STOX2: variants seen among roughly 807,000 people sequenced by gnomAD.
STOX2 encodes the protein storkhead box 2.
Under a neutral mutation model 60.9 loss-of-function variants are expected in STOX2, and 28 were observed. That is an observed-to-expected ratio of 0.46 (90% CI 0.34 to 0.63). STOX2 has a LOEUF of 0.63. STOX2 is among the 30% of genes least tolerant of loss of function. The probability of loss-of-function intolerance (pLI) is 0.01; values close to 1 mark genes in which losing one functional copy is unlikely to be tolerated. For synonymous variants in STOX2, 472 were observed against 463.9 expected (o/e 1.02, Z -0.22); for missense variants, 1,024 against 1,187.7 (o/e 0.86, Z 2.03).
intron 1 of STOX2, among the ~76,000 whole-genome samples, chr4:183,990,100 G>T (rs1733033976): frequency 1.3e-5 from 2 of 152,188 alleles, no homozygotes; most frequent in East Asian, 3.8e-4. Context: ...ATAGCAGTTT[G>T]CATCTTCAGA....
At chr4:183,916,066 C>A (rs764485761) in intron 1 of STOX2, among the ~76,000 whole-genome samples, 1 of 152,210 alleles carries the variant, frequency 6.6e-6, no homozygotes, top group African/African-American at 2.4e-5. Flanking sequence ...TGGGTTCCAC[C>A]CAGTGGATAT....
chr4:183,850,879 A>AAAGGATGAGG (rs1740103779), intron 1 of STOX2, among the ~76,000 whole-genome samples: 3 of 93,364 alleles, frequency 3.2e-5, no homozygotes, highest in South Asian at 3.7e-4. Context: ...AAAGGATGAG[A>AAAGGATGAGG]GAAAGGATGA....
chr4:183,829,216 A>C (rs371766453), intron 1 of STOX2, among the ~76,000 whole-genome samples: 3 of 152,230 alleles, frequency 2.0e-5, no homozygotes, highest in African/African-American at 7.2e-5. Flanking sequence ...ATTATATTTG[A>C]GGCATTTAGT....
chr4:183,946,129 A>T (rs573736696), intron 1 of STOX2, among the ~76,000 whole-genome samples: 2 of 152,346 alleles, frequency 1.3e-5, no homozygotes, highest in East Asian at 3.9e-4. Flanking sequence ...GGCTGAATTC[A>T]GGGTCACACT....
At chr4:183,996,138 C>T (rs1462976730) in intron 1 of STOX2, among the ~76,000 whole-genome samples, 1 of 152,192 alleles carries the variant, frequency 6.6e-6, no homozygotes, top group South Asian at 2.1e-4. Context: ...TTCCTCTGTC[C>T]AAGGCACTGA....
intron 1 of STOX2, among the ~76,000 whole-genome samples, chr4:183,899,506 T>G (rs12502877): frequency 0.055 from 8,332 of 152,250 alleles, 617 homozygotes; most frequent in African/African-American, 0.16. Flanking sequence ...GACTTAATGC[T>G]GGTATGGAGA....
At chr4:183,962,936 G>T (rs144182956) in intron 1 of STOX2, among the ~76,000 whole-genome samples, 167 of 152,316 alleles carry the variant, frequency 1.1e-3, no homozygotes, top group Non-Finnish European at 2.0e-3. Flanking sequence ...TTAAGCAGTA[G>T]AAGCAAAAGT....
intron 1 of STOX2, among the ~76,000 whole-genome samples, chr4:183,922,273 A>C (rs1269447605): frequency 6.6e-6 from 1 of 152,028 alleles, no homozygotes; most frequent in East Asian, 1.9e-4. Flanking sequence ...ATTCATGCTT[A>C]GTCATGCATT....
At chr4:183,951,817 C>G (rs897899189) in intron 1 of STOX2, among the ~76,000 whole-genome samples, 12 of 152,048 alleles carry the variant, frequency 7.9e-5, no homozygotes, top group African/African-American at 2.7e-4. Context: ...GTGGTGCATG[C>G]CTGTAGTTCC....
In STOX2 at chr4:184,011,743, A is replaced by G. The variant is rs951974272; in HGVS notation, c.2585+320A>G. Reference sequence around the variant, plus strand: ...TATTGCCACCCATGCTAAGAGAAGGATGTTTTTTAAGTCCTTCAAAAATAG... The same window carrying G: ...TATTGCCACCCATGCTAAGAGAAGGGTGTTTTTTAAGTCCTTCAAAAATAG... On this transcript the variant is annotated intron_variant, in intron 3 of 3. Transcript: ENST00000308497. This position sits in a 1 kb window ranked among gnomAD's most constrained non-coding sequence, Gnocchi z 4.4. 14 of 801,044 alleles carry G rather than the reference A, an allele frequency of 1.7e-5. No homozygotes were observed. Among genetic ancestry groups the G allele is most frequent in the Non-Finnish European group, 2.1e-5 (12 of 581,770 alleles). 49.6% of individuals were successfully genotyped at this position (801,044 alleles called of 1,614,324 possible).
chr4:183,973,053 CA>C (rs1467466485), intron 1 of STOX2, among the ~76,000 whole-genome samples: 2 of 150,658 alleles, frequency 1.3e-5, no homozygotes, highest in African/African-American at 4.9e-5. Flanking sequence ...ATCTCAACAA[CA>C]GAGAAAAAGA....
At chr4:183,928,303 A>G (rs892835) in intron 1 of STOX2, among the ~76,000 whole-genome samples, 127,542 of 152,084 alleles carry the variant, frequency 0.84, 54,065 homozygotes, top group Non-Finnish European at 0.88. Flanking sequence ...TATAGCCCCC[A>G]TGGTCTCCTT....
At chr4:183,899,942 C>T (rs12499037) in intron 1 of STOX2, among the ~76,000 whole-genome samples, 5,345 of 152,276 alleles carry the variant, frequency 0.035, 232 homozygotes, top group African/African-American at 0.092. Flanking sequence ...AACTCTCTTA[C>T]TAGGGGCTAA....
chr4:183,922,999 C>A (rs987466994), intron 1 of STOX2, among the ~76,000 whole-genome samples: 1 of 152,184 alleles, frequency 6.6e-6, no homozygotes, highest in Non-Finnish European at 1.5e-5. Flanking sequence ...CCATTGCCCA[C>A]GTGTACCATG....
intron 1 of STOX2, among the ~76,000 whole-genome samples, chr4:183,917,006 T>G (rs908029829): frequency 2.0e-5 from 3 of 152,228 alleles, no homozygotes; most frequent in Non-Finnish European, 4.4e-5. Context: ...TCTGCCATTT[T>G]CTTGTCTGAC....
At chr4:183,986,095 G>A (rs1335425476) in intron 1 of STOX2, among the ~76,000 whole-genome samples, 8 of 151,282 alleles carry the variant, frequency 5.3e-5, no homozygotes, top group African/African-American at 1.9e-4. Flanking sequence ...ACCCTAGAAG[G>A]GAAAATCAAG....
At chr4:183,948,240 A>C (rs1162029955) in intron 1 of STOX2, among the ~76,000 whole-genome samples, 1 of 150,708 alleles carries the variant, frequency 6.6e-6, no homozygotes, top group Admixed American at 6.6e-5. Context: ...AAAAAAAAAA[A>C]AAAACACGAA....
At chr4:183,922,128 G>T (rs1394791024) in intron 1 of STOX2, among the ~76,000 whole-genome samples, 2 of 152,036 alleles carry the variant, frequency 1.3e-5, no homozygotes, top group African/African-American at 4.8e-5. Context: ...GGGTTTTAAC[G>T]ATTTACAGCA....
intron 1 of STOX2, among the ~76,000 whole-genome samples, chr4:183,968,343 TACACACACACACACACACAC>T (rs60432446): frequency 1.2e-4 from 18 of 145,602 alleles, no homozygotes; most frequent in African/African-American, 3.8e-4. Flanking sequence ...TGCATATACC[TACACACACACACACACACAC>T]ACACACACAC....
Sources: gnomAD v4.1 joint callset for allele counts (sites outside exome capture counted in the v4.1 genomes callset) on GRCh38, gnomAD v4.1.1 for gene constraint, Gnocchi (gnomAD v3.1) non-coding constraint, MANE v1.5 for transcripts, NCBI Gene and HGNC (gene_info 2026-07-23, HGNC 2026-07-21) for gene names.